Variants in PITRM1 observed in about 807,000 individuals in gnomAD.
The protein encoded by PITRM1 is pitrilysin metallopeptidase 1.
Under a neutral mutation model 129.9 loss-of-function variants are expected in PITRM1, and 100 were observed. The ratio of observed to expected loss-of-function variants is 0.77; its 90% confidence interval spans 0.65 to 0.91. The LOEUF (loss-of-function observed/expected upper bound fraction) is 0.91, where lower values mean the gene tolerates loss of function less well. Among genes scored for constraint, PITRM1 ranks in the 40% least tolerant of loss-of-function variants. The pLI, the probability that PITRM1 is intolerant of heterozygous loss-of-function variation, is 0.00. For missense variants in PITRM1, 1,471 were observed against 1,318.3 expected (o/e 1.12, Z -1.79); for synonymous variants, 591 against 508.8 (o/e 1.16, Z -2.17).
In PITRM1 at chr10:3,147,476, T is replaced by C. The variant is rs114003253; in HGVS notation, c.2235+96A>G. On this transcript the variant is annotated intron_variant, in intron 19 of 26. Coordinates refer to ENST00000224949, the MANE Select transcript of PITRM1 (RefSeq NM_014889.4). ...TATTTAGTCAGTTAGAAAGTTAGCATTTCTGGGACATAAATTAATGTATTC... is the reference window on the plus strand; with the variant it reads ...TATTTAGTCAGTTAGAAAGTTAGCACTTCTGGGACATAAATTAATGTATTC... 5,556 of 1,370,558 alleles carry C rather than the reference T, an allele frequency of 4.1e-3. 190 individuals are homozygous for C. In the African/African-American group the frequency reaches 0.068, roughly 17 times the overall value. 84.9% of individuals were successfully genotyped at this position (1,370,558 alleles called of 1,614,324 possible).
At chr10:3,146,236 A>G (rs1179576882) in intron 20 of PITRM1, 1 of 156,042 alleles carries the variant, frequency 6.4e-6, no homozygotes, top group Non-Finnish European at 1.4e-5. Context: ...TCTACAGTAT[A>G]TTGACAGAGT....
Position 3,166,391 on chromosome 10 carries a change from A to AGAGGAATGGCACGCTAGG in PITRM1, c.267-12_267-11insCCTAGCGTGCCATTCCTC. The stretch of plus-strand genomic sequence containing the variant: ...GTACGGAACTGCACGCTAGGGAAGG[A>AGAGGAATGGCACGCTAGG]GAATGACCAGAACGCAAAAGGTTCA... On this transcript the variant is annotated splice_polypyrimidine_tract_variant and intron_variant, in intron 3 of 26. Transcript: ENST00000224949. 12 of 1,394,876 alleles carry AGAGGAATGGCACGCTAGG rather than the reference A, an allele frequency of 8.6e-6. No homozygotes were observed. The highest frequency in any genetic ancestry group is 1.9e-5 in the Admixed American group (1 of 53,894). The allele number at this position is 1,394,876 out of a possible 1,614,324, so 86.4% of individuals were successfully genotyped here.
At chr10:3,151,165 G>C (rs758621711) in intron 15 of PITRM1, 82 bp downstream of exon 15, 1 of 780,012 alleles carries the variant, frequency 1.3e-6, no homozygotes. Flanking sequence ...TCCAAGACAT[G>C]ACTCTACTGC....
At chr10:3,171,016 C>T (rs1024442943) in intron 1 of PITRM1, among the ~76,000 whole-genome samples, 1 of 151,730 alleles carries the variant, frequency 6.6e-6, no homozygotes, top group Non-Finnish European at 1.5e-5. Flanking sequence ...TGGTCTCTAT[C>T]GTCCACACCT....
Position 3,147,261 on chromosome 10 carries a change from G to A in PITRM1, c.2236-11C>T. The A allele has an allele frequency of 6.3e-7, 1 of 1,594,092 alleles. No homozygotes were observed. The highest frequency in any genetic ancestry group is 8.6e-7 in the Non-Finnish European group (1 of 1,162,584). On this transcript the variant is annotated splice_polypyrimidine_tract_variant and intron_variant, in intron 19 of 26. Coordinates refer to ENST00000224949, the MANE Select transcript of PITRM1 (RefSeq NM_014889.4). ...CTTCATCAGCCGCACCTAAGCCAGA[G>A]GAAACTCGCTCAGAGAGAGGCAGAG...
chr10:3,159,247 T>C (rs2132465233), intron 9 of PITRM1, among the ~76,000 whole-genome samples: 1 of 152,344 alleles, frequency 6.6e-6, no homozygotes, highest in Non-Finnish European at 1.5e-5. Flanking sequence ...TTAACTTCAC[T>C]GCACACGAAA....
chr10:3,143,282 C>G (rs1840450820), intron 23 of PITRM1, 107 bp downstream of exon 23: 3 of 701,098 alleles, frequency 4.3e-6, no homozygotes, highest in Admixed American at 4.3e-5. Flanking sequence ...CACTCAGAGT[C>G]AGCACAGACT....
intron 21 of PITRM1, 106 bp from the exon 22 acceptor site, chr10:3,144,472 G>A (rs1259812287): frequency 7.4e-6 from 5 of 675,130 alleles, no homozygotes; most frequent in East Asian, 2.7e-5. Flanking sequence ...ACAAGTGTTA[G>A]GGCAGGTGTA....
intron 25 of PITRM1, 140 bp downstream of exon 25, chr10:3,138,764 C>T (rs775187251): frequency 3.5e-6 from 3 of 846,804 alleles, no homozygotes; most frequent in Non-Finnish European, 6.3e-6. Flanking sequence ...TTTAGGGTGT[C>T]AGACGTGGAA....
chr10:3,140,770 A>G lies in PITRM1; in HGVS notation c.2688T>C (p.His896=), dbSNP rs1321821860. Residue 896 remains histidine (H), a synonymous_variant, in exon 24 of 27, where the codon CAT becomes CAC. Transcript: ENST00000224949. ...LARLMTAKFL[H]TEIREKGGAY... ...CACCGCCTTTTTCTCGAATTTCTGTATGCAAGAATTTGGCAGTCATCAAAC... is the reference window on the plus strand; with the variant it reads ...CACCGCCTTTTTCTCGAATTTCTGTGTGCAAGAATTTGGCAGTCATCAAAC... 7 of 1,593,414 alleles carry G rather than the reference A, an allele frequency of 4.4e-6. No individual in the cohort carries two copies. In the Admixed American group the frequency reaches 5.3e-5, roughly 12 times the overall value.
rs200165191 is a variant in PITRM1 at position 3,170,176 on chromosome 10, G to C, written c.87C>G (p.Asn29Lys). The change falls in exon 2 of 27, where the codon AAC becomes AAG. Residue 29 changes from asparagine to lysine, a missense_variant. Transcript: ENST00000224949. Reference protein sequence around the residue: ...GHAHHRAWRWNSNRACERALQ... With the variant: ...GHAHHRAWRWKSNRACERALQ... ...GAGCCCTCTCACAAGCCCGGTTACT[G>C]TTCCATCGCCACGCTCTGTGGTGTG... 6.8e-6 allele frequency: 11 copies of C among 1,613,812 alleles called. No individual in the cohort carries two copies. The East Asian group carries it at 2.2e-4, about 33-fold the overall frequency.
intron 22 of PITRM1, 42 bp from the exon 23 acceptor site, chr10:3,143,543 C>G: frequency 2.2e-6 from 3 of 1,372,436 alleles, no homozygotes; most frequent in Non-Finnish European, 3.1e-6. Flanking sequence ...TGCTGCCATG[C>G]ACCGCCCACG....
Position 3,138,123 on chromosome 10 carries a change from A to T in PITRM1, c.3022T>A (p.Tyr1008Asn), listed in dbSNP as rs1053759464. Reference protein sequence around the residue: ...HDKLLAVSDRYLGTGKSTHGL... With the variant: ...HDKLLAVSDRNLGTGKSTHGL... ...TGTGTGCTCTTCCCAGTGCCGAGGTATCTGAGAGGAAGGCAGGCGTGGTCA... is the reference window on the plus strand; with the variant it reads ...TGTGTGCTCTTCCCAGTGCCGAGGTTTCTGAGAGGAAGGCAGGCGTGGTCA... Residue 1008 changes from tyrosine to asparagine, a missense_variant and splice_region_variant, in exon 27 of 27, where the codon TAC becomes AAC. Transcript: ENST00000224949. 4 of 1,607,420 alleles carry T rather than the reference A, an allele frequency of 2.5e-6. No individual in the cohort carries two copies. The highest frequency in any genetic ancestry group is 3.4e-5 in the Admixed American group (2 of 59,460).
chr10:3,172,171 T>C (rs1205752439), intron 1 of PITRM1: 6 of 456,258 alleles, frequency 1.3e-5, no homozygotes, highest in Non-Finnish European at 2.6e-5. Flanking sequence ...CCGGCAGCGC[T>C]GAACTATTAC....
At chr10:3,150,786 C>G (rs1841443655) in intron 15 of PITRM1, among the ~76,000 whole-genome samples, 1 of 152,112 alleles carries the variant, frequency 6.6e-6, no homozygotes, top group African/African-American at 2.4e-5. Context: ...GAACGAAATG[C>G]CAGGACACGG....
chr10:3,139,049 C>T lies in PITRM1; in HGVS notation c.2772G>A (p.Arg924=). Residue 924 remains arginine, a splice_region_variant and synonymous_variant, in exon 25 of 27, where the codon AGG becomes AGA. Coordinates refer to ENST00000224949, the MANE Select transcript of PITRM1 (RefSeq NM_014889.4). ...HNGIFTLYSY[R]DPNTIETLQS... Reference sequence around the variant, plus strand: ...GGAGCGTCTCTATTGTATTTGGGTCCCTAGGAAACCCAGAGAAATAAACGG... The same window carrying T: ...GGAGCGTCTCTATTGTATTTGGGTCTCTAGGAAACCCAGAGAAATAAACGG... 6.2e-7 allele frequency: 1 copy of T among 1,612,900 alleles called. No homozygotes were observed. Among genetic ancestry groups the T allele is most frequent in the Non-Finnish European group, 8.5e-7 (1 of 1,179,462 alleles).
intron 14 of PITRM1, among the ~76,000 whole-genome samples, chr10:3,154,290 G>A (rs1183857786): frequency 6.6e-6 from 1 of 152,224 alleles, no homozygotes; most frequent in African/African-American, 2.4e-5. Flanking sequence ...GCTTTGTGCG[G>A]ACGCCTGTTT....
intron 7 of PITRM1, among the ~76,000 whole-genome samples, chr10:3,161,395 A>G (rs1842429397): frequency 6.6e-6 from 1 of 152,258 alleles, no homozygotes; most frequent in Non-Finnish European, 1.5e-5. Context: ...AAAGGTTACA[A>G]TGACAGAATT....
chr10:3,170,164 A>G lies in PITRM1; in HGVS notation c.99T>C (p.Ala33=), dbSNP rs759670133. ...HRAWRWNSNR[A]CERALQYKLG... ...GTTTATACTGCAGAGCCCTCTCACA[A>G]GCCCGGTTACTGTTCCATCGCCACG... Residue 33 remains alanine (A), a synonymous_variant, in exon 2 of 27, where the codon GCT becomes GCC. Coordinates refer to ENST00000224949, the MANE Select transcript of PITRM1 (RefSeq NM_014889.4). 1 of 1,614,010 alleles carries G rather than the reference A, an allele frequency of 6.2e-7. No homozygotes were observed. Among genetic ancestry groups the G allele is most frequent in the South Asian group, 1.1e-5 (1 of 91,084 alleles).
Sources: gnomAD v4.1 joint callset for allele counts (sites outside exome capture counted in the v4.1 genomes callset) on GRCh38, gnomAD v4.1.1 for gene constraint, MANE v1.5 for transcripts, NCBI Gene and HGNC (gene_info 2026-07-23, HGNC 2026-07-21) for gene names.